PTPRF: variants seen among roughly 807,000 people sequenced by gnomAD.
PTPRF encodes receptor-type tyrosine-protein phosphatase F.
PTPRF carries 59 observed loss-of-function variants against 201.8 expected under a neutral mutation model. That is an observed-to-expected ratio of 0.29 (90% CI 0.24 to 0.36). PTPRF has a LOEUF of 0.36. Among genes scored for constraint, PTPRF ranks in the 10% least tolerant of loss-of-function variants. PTPRF has a pLI of 1.00. For missense variants in PTPRF, 2,132 were observed against 2,690.5 expected (o/e 0.79, Z 4.59); for synonymous variants, 1,088 against 1,089.7 (o/e 1.00, Z 0.03).
upstream of PTPRF, among the ~76,000 whole-genome samples, chr1:43,526,885 A>T (rs769248346): frequency 7.9e-5 from 12 of 152,084 alleles, no homozygotes; most frequent in Non-Finnish European, 1.6e-4. Flanking sequence ...AGCCTGAAAA[A>T]TCCTTCCACC....
At chr1:43,523,731 G>T (rs1469425633), upstream of PTPRF, among the ~76,000 whole-genome samples, 2 of 152,156 alleles carry the variant, frequency 1.3e-5, no homozygotes, top group Non-Finnish European at 2.9e-5. Context: ...TGCCATAATG[G>T]CAAACAGAAC....
chr1:43,566,828 G>C (rs1646221284), intron 5 of PTPRF, among the ~76,000 whole-genome samples: 1 of 152,184 alleles, frequency 6.6e-6, no homozygotes, highest in African/African-American at 2.4e-5. Context: ...GGGTCCCGCT[G>C]TTTTATGGAC....
rs774708913 is a variant in PTPRF at position 43,597,977 on chromosome 1, G to C, written c.2043G>C (p.Arg681=). 6.4e-7 allele frequency: 1 copy of C among 1,551,106 alleles called. No individual in the cohort carries two copies. Among genetic ancestry groups the C allele is most frequent in the East Asian group, 2.4e-5 (1 of 41,382 alleles). Residue 681 remains arginine (R), a synonymous_variant, in exon 12 of 34, where the codon CGG becomes CGC. Coordinates refer to ENST00000359947, the MANE Select transcript of PTPRF (RefSeq NM_002840.5). ...LVGLEKWTEY[R]VWVRAHTDVG... is the part of the protein sequence containing the mutation. Reference sequence around the variant, plus strand: ...GCCTGGAGAAGTGGACGGAGTACCGGGTGTGGGTGCGGGCACACACAGACG... The same window carrying C: ...GCCTGGAGAAGTGGACGGAGTACCGCGTGTGGGTGCGGGCACACACAGACG...
chr1:43,575,784 A>T, intron 6 of PTPRF: 12 of 772,650 alleles, frequency 1.6e-5, no homozygotes, highest in Non-Finnish European at 2.1e-5. Context: ...CTCAGGCCTC[A>T]ATTTCTCCAT....
chr1:43,598,078 G>C (rs1393748917), intron 12 of PTPRF, 25 bp downstream of exon 12: 2 of 1,451,598 alleles, frequency 1.4e-6, no homozygotes, highest in South Asian at 2.9e-5. Flanking sequence ...CGGGGCGGGA[G>C]GGGAGGCGTT....
intron 24 of PTPRF, 26 bp downstream of exon 24, chr1:43,617,594 TC>T: frequency 6.2e-7 from 1 of 1,613,158 alleles, no homozygotes; most frequent in South Asian, 1.1e-5. Context: ...GCCCCTCCCA[TC>T]CCCTTGCTCT....
chr1:43,613,743 G>A, intron 23 of PTPRF, 28 bp downstream of exon 23: 1 of 1,591,390 alleles, frequency 6.3e-7, no homozygotes, highest in South Asian at 1.1e-5. Flanking sequence ...CCTACCATGT[G>A]CCTGGCCCAG....
At chr1:43,619,003 C>A in intron 26 of PTPRF, 45 bp from the exon 27 acceptor site, 1 of 1,594,498 alleles carries the variant, frequency 6.3e-7, no homozygotes, top group Non-Finnish European at 8.6e-7. Context: ...GAGTCTATGG[C>A]AGGTAGGCTC....
In PTPRF at chr1:43,545,015, C is replaced by T; in HGVS notation, c.-45-16C>T. 3 of 1,447,028 alleles carry T rather than the reference C, an allele frequency of 2.1e-6. No individual in the cohort carries two copies. Among genetic ancestry groups the T allele is most frequent in the South Asian group, 2.6e-5 (2 of 78,150 alleles). The allele number at this position is 1,447,028 out of a possible 1,614,324, so 89.6% of individuals were successfully genotyped here. On this transcript the variant is annotated splice_polypyrimidine_tract_variant and intron_variant, in intron 2 of 33. Coordinates refer to ENST00000359947, the MANE Select transcript of PTPRF (RefSeq NM_002840.5). ...TAAATACCAGCTAACTGGCTCTGCC[C>T]TTCTCTCCATTACAGGTTGATTGTC... is the stretch of plus-strand genomic sequence containing the variant.
intron 7 of PTPRF, among the ~76,000 whole-genome samples, chr1:43,580,946 A>G (rs1647430937): frequency 6.6e-6 from 1 of 152,250 alleles, no homozygotes; most frequent in African/African-American, 2.4e-5. Context: ...GAGGCAGAAG[A>G]AGGCCCAGAG....
At chr1:43,611,601 G>A (rs1656464565) in intron 22 of PTPRF, among the ~76,000 whole-genome samples, 1 of 152,158 alleles carries the variant, frequency 6.6e-6, no homozygotes, top group Non-Finnish European at 1.5e-5. Context: ...CAGCGGGGGA[G>A]CCAGGTGGTC....
intron 6 of PTPRF, among the ~76,000 whole-genome samples, chr1:43,571,401 A>G (rs1646559913): frequency 6.6e-6 from 1 of 152,074 alleles, no homozygotes; most frequent in African/African-American, 2.4e-5. Flanking sequence ...CTGCAACTCT[A>G]GCTTTAGTCT....
intron 5 of PTPRF, among the ~76,000 whole-genome samples, chr1:43,559,869 G>A (rs563112014): frequency 1.8e-3 from 266 of 151,124 alleles, no homozygotes; most frequent in African/African-American, 6.1e-3. Context: ...CAGGTGGTGT[G>A]TAGCAGGCTA....
In PTPRF at chr1:43,546,678, G is replaced by GC. The variant is rs1391652327; in HGVS notation, c.91+1515dup. ...GATAACACATCCTGGGAGAAGAGCT[G>GC]CCCTCCTCCTCCTGCCTCAGACCCA... On this transcript the variant is annotated intron_variant, in intron 3 of 33. Coordinates refer to ENST00000359947, the MANE Select transcript of PTPRF (RefSeq NM_002840.5). This position sits in a 1 kb window ranked among gnomAD's most constrained non-coding sequence, Gnocchi z 4.2. Among the ~76,000 whole-genome samples the GC allele has an allele frequency of 2.0e-5, 3 of 152,040 alleles. No individual in the cohort carries two copies. Among genetic ancestry groups the GC allele is most frequent in the Non-Finnish European group, 4.4e-5 (3 of 68,006 alleles).
At chr1:43,599,309 C>CTT (rs1653162091) in intron 13 of PTPRF, among the ~76,000 whole-genome samples, 1 of 152,158 alleles carries the variant, frequency 6.6e-6, no homozygotes, top group African/African-American at 2.4e-5. Context: ...CTCCTGACCT[C>CTT]AGGTGATCCG....
chr1:43,598,619 G>C lies in PTPRF; in HGVS notation c.2120-101G>C. 2.7e-6 allele frequency: 3 copies of C among 1,105,838 alleles called. No homozygotes were observed. In the East Asian group the frequency reaches 7.2e-5, roughly 26 times the overall value. The allele number at this position is 1,105,838 out of a possible 1,614,324, so 68.5% of individuals were successfully genotyped here. On this transcript the variant is annotated intron_variant, in intron 12 of 33. Coordinates refer to ENST00000359947, the MANE Select transcript of PTPRF (RefSeq NM_002840.5). ...GGAAACTGTATCAGGGCCTTTCCTG[G>C]GGGAGTGGGGTGCTGAGGCAGGACC...
chr1:43,547,320 A>T (rs1184516653), intron 3 of PTPRF, among the ~76,000 whole-genome samples: 1 of 152,226 alleles, frequency 6.6e-6, no homozygotes, highest in Non-Finnish European at 1.5e-5. Context: ...CCCAAACACC[A>T]GGTCTTGACG....
chr1:43,576,255 G>A (rs1208575089), intron 6 of PTPRF, among the ~76,000 whole-genome samples: 1 of 152,240 alleles, frequency 6.6e-6, no homozygotes, highest in African/African-American at 2.4e-5. Context: ...CCTGTCCCCC[G>A]GCTTCCCTAG....
At chr1:43,578,993 G>A (rs781274052) in intron 7 of PTPRF, 73 bp downstream of exon 7, 1 of 1,412,586 alleles carries the variant, frequency 7.1e-7, no homozygotes, top group East Asian at 2.3e-5. Flanking sequence ...TCTGCCCAGA[G>A]CCCTTGGTGC....
Sources: allele counts gnomAD v4.1 joint callset (sites outside exome capture counted in the v4.1 genomes callset), GRCh38; gene constraint gnomAD v4.1.1; non-coding constraint Gnocchi (gnomAD v3.1); transcripts MANE v1.5; gene names NCBI Gene and HGNC (gene_info 2026-07-23, HGNC 2026-07-21).